Variants in MAP2 observed in about 807,000 individuals in gnomAD.
The protein encoded by MAP2 is microtubule associated protein 2, also known as microtubule-associated protein 2.
In MAP2, 14 loss-of-function variants were observed where a neutral mutation model predicts 137.6. That is an observed-to-expected ratio of 0.10 (90% CI 0.07 to 0.16). The LOEUF is 0.16. Among genes scored for constraint, MAP2 ranks in the 10% least tolerant of loss-of-function variants. The probability of loss-of-function intolerance (pLI) is 1.00; values close to 1 mark genes in which losing one functional copy is unlikely to be tolerated. For synonymous variants in MAP2, 786 were observed against 782.3 expected (o/e 1.00, Z -0.08); for missense variants, 2,088 against 2,191.5 (o/e 0.95, Z 0.94).
chr2:209,730,571 A>G lies in MAP2; in HGVS notation c.*174A>G, dbSNP rs2075654716. On this transcript the variant is annotated 3_prime_UTR_variant, in exon 16 of 16. Transcript: ENST00000682079. ...TAAAAAATGAATAGTACATGCAGAA[A>G]TTGACCTGATTTCCATTTGCAACAG... 1 of 595,562 alleles carries G rather than the reference A, an allele frequency of 1.7e-6. No individual in the cohort carries two copies. Among genetic ancestry groups the G allele is most frequent in the Non-Finnish European group, 3.0e-6 (1 of 338,854 alleles). The allele number at this position is 595,562 out of a possible 1,614,324, so 36.9% of individuals were successfully genotyped here.
At chr2:209,711,556 A>G (rs2065478651) in intron 13 of MAP2, among the ~76,000 whole-genome samples, 2 of 152,174 alleles carry the variant, frequency 1.3e-5, no homozygotes, top group South Asian at 4.1e-4. Flanking sequence ...TGCTATGAAA[A>G]CTAGAAGCTA....
chr2:209,491,842 T>G (rs967383846), intron 1 of MAP2, among the ~76,000 whole-genome samples: 1 of 152,172 alleles, frequency 6.6e-6, no homozygotes. Flanking sequence ...TCAGATGGAT[T>G]CATAGCCAAC....
chr2:209,676,642 TA>T (rs887459980), intron 5 of MAP2, among the ~76,000 whole-genome samples: 3 of 147,938 alleles, frequency 2.0e-5, no homozygotes, highest in African/African-American at 7.5e-5. Flanking sequence ...TGAGATGTAC[TA>T]AATGCCATAG....
intron 1 of MAP2, among the ~76,000 whole-genome samples, chr2:209,451,883 A>C (rs1700403236): frequency 6.6e-6 from 1 of 152,132 alleles, no homozygotes; most frequent in Non-Finnish European, 1.5e-5. Flanking sequence ...CTCTACTCTC[A>C]CAAAGAACCT....
chr2:209,468,901 C>T (rs1053330202), intron 1 of MAP2, among the ~76,000 whole-genome samples: 5 of 152,084 alleles, frequency 3.3e-5, no homozygotes, highest in Non-Finnish European at 7.4e-5. Context: ...TGCTCCAGTG[C>T]CTGGGGCCAC....
At chr2:209,616,726 G>A (rs919967374) in intron 3 of MAP2, among the ~76,000 whole-genome samples, 2 of 152,144 alleles carry the variant, frequency 1.3e-5, no homozygotes, top group Non-Finnish European at 2.9e-5. Flanking sequence ...ACATTAGTTG[G>A]GGTGGAGTGG....
At chr2:209,577,229 C>A (rs1451645087) in intron 2 of MAP2, among the ~76,000 whole-genome samples, 1 of 150,258 alleles carries the variant, frequency 6.7e-6, no homozygotes, top group Non-Finnish European at 1.5e-5. Context: ...TTTTGCGGGT[C>A]GGGGGAAGAA....
rs73984098 is a variant in MAP2, at chr2:209,660,113, A to G, written c.262+6681A>G. Among the ~76,000 whole-genome samples, 194 of 152,204 alleles carry G rather than the reference A, an allele frequency of 1.3e-3. 1 individual carries two copies. The highest frequency in any genetic ancestry group is 4.5e-3 in the African/African-American group (187 of 41,528). On this transcript the variant is annotated intron_variant, in intron 5 of 15. Coordinates refer to ENST00000682079, the MANE Select transcript of MAP2 (RefSeq NM_001375505.1). ...CCAGTATCAGCAATCCCCTTGGGTA[A>G]ATGTAAAGATTAAAAGGCAATTCCT...
chr2:209,680,403 G>A (rs543408939), intron 6 of MAP2, among the ~76,000 whole-genome samples: 1 of 152,160 alleles, frequency 6.6e-6, no homozygotes, highest in African/African-American at 2.4e-5. Context: ...GCCTGTGTGT[G>A]TTTTCATATG....
At chr2:209,608,025 G>T (rs1378341408) in intron 3 of MAP2, among the ~76,000 whole-genome samples, 2 of 152,112 alleles carry the variant, frequency 1.3e-5, no homozygotes, top group Admixed American at 1.3e-4. Flanking sequence ...GAGATCTCCT[G>T]TGATCATCTT....
chr2:209,430,346 G>A (rs1000479262), intron 1 of MAP2, among the ~76,000 whole-genome samples: 3 of 151,490 alleles, frequency 2.0e-5, no homozygotes, highest in Non-Finnish European at 2.9e-5. Flanking sequence ...GTTTCACAAG[G>A]GCTAACATGA....
chr2:209,598,348 A>T (rs999756466), intron 3 of MAP2, among the ~76,000 whole-genome samples: 12 of 152,182 alleles, frequency 7.9e-5, no homozygotes, highest in Non-Finnish European at 2.9e-5. Flanking sequence ...CACCCAGTGC[A>T]GAGACTGGTA....
intron 1 of MAP2, among the ~76,000 whole-genome samples, chr2:209,490,605 CAAAAAAAAAA>C (rs59133937): frequency 5.4e-4 from 3 of 5,558 alleles, no homozygotes; most frequent in African/African-American, 7.4e-4. Context: ...AAATGGAAAG[CAAAAAAAAAA>C]AAAAAAAAAA....
At chr2:209,548,369 G>A (rs982217886) in intron 2 of MAP2, among the ~76,000 whole-genome samples, 4 of 152,144 alleles carry the variant, frequency 2.6e-5, no homozygotes, top group Non-Finnish European at 5.9e-5. Context: ...GAAGGGCTTT[G>A]CATTTGTTTA....
chr2:209,674,848 C>A (rs2050571191), intron 5 of MAP2, among the ~76,000 whole-genome samples: 1 of 151,756 alleles, frequency 6.6e-6, no homozygotes, highest in Non-Finnish European at 1.5e-5. Context: ...TGAATTTGCT[C>A]CTGTCCCAGA....
At chr2:209,613,483 C>T (rs2087784718) in intron 3 of MAP2, among the ~76,000 whole-genome samples, 1 of 152,132 alleles carries the variant, frequency 6.6e-6, no homozygotes, top group Admixed American at 6.5e-5. Flanking sequence ...AAAGCCCCTG[C>T]TAAAGGTGAA....
intron 7 of MAP2, chr2:209,690,695 C>T (rs1385081096): frequency 7.8e-7 from 1 of 1,289,730 alleles, no homozygotes; most frequent in Non-Finnish European, 1.0e-6. Context: ...CTCAGACCAA[C>T]CCAAGGGCCT....
At chr2:209,676,842 T>C (rs988598858) in intron 5 of MAP2, among the ~76,000 whole-genome samples, 1 of 147,908 alleles carries the variant, frequency 6.8e-6, no homozygotes, top group African/African-American at 2.5e-5. Flanking sequence ...ACTGGGGTGC[T>C]AGAAGAAGCT....
intron 2 of MAP2, among the ~76,000 whole-genome samples, chr2:209,540,934 GTT>G (rs1178063242): frequency 1.1e-4 from 17 of 151,068 alleles, no homozygotes; most frequent in African/African-American, 4.2e-4. Context: ...GCATACAATA[GTT>G]ACGTTTACAC....
Sources: allele counts gnomAD v4.1 joint callset (sites outside exome capture counted in the v4.1 genomes callset), GRCh38; gene constraint gnomAD v4.1.1; transcripts MANE v1.5; gene names NCBI Gene and HGNC (gene_info 2026-07-23, HGNC 2026-07-21).